Variants in TCHH observed in about 807,000 individuals in gnomAD.
The protein encoded by TCHH is trichohyalin.
In TCHH, 6 loss-of-function variants were observed where a neutral mutation model predicts 6.3. The observed-to-expected ratio is 0.95, with a 90% CI of 0.52 to 1.88. The LOEUF is 1.88. Ranked by LOEUF, TCHH falls within the 40% of genes most tolerant of loss-of-function variation. The pLI, the probability that TCHH is intolerant of heterozygous loss-of-function variation, is 0.01. For missense variants in TCHH, 2,920 were observed against 2,449.1 expected (o/e 1.19, Z -4.06); for synonymous variants, 1,087 against 963.6 (o/e 1.13, Z -2.37).
rs1217527429 is a variant in TCHH, at chr1:152,114,225, C to A, written c.-31-114G>T. 3 of 710,454 alleles carry A rather than the reference C, an allele frequency of 4.2e-6. No individual in the cohort carries two copies. The African/African-American group carries it at 5.5e-5, about 13-fold the overall frequency. The allele number at this position is 710,454 out of a possible 1,614,324, so 44.0% of individuals were successfully genotyped here. The stretch of plus-strand genomic sequence containing the variant: ...TAATTTGAATTTATAGCGGTAATTT[C>A]AACCTGGACTTTCAGAGCACTTTAA... On this transcript the variant is annotated intron_variant, in intron 1 of 2. Coordinates refer to ENST00000614923, the MANE Select transcript of TCHH (RefSeq NM_007113.4).
rs1187008464 is a variant in TCHH at position 152,108,501 on chromosome 1, C to T, written c.4716G>A (p.Leu1572=). Residue 1572 remains leucine (L), a synonymous_variant, in exon 3 of 3, where the codon CTG becomes CTA. Coordinates refer to ENST00000614923, the MANE Select transcript of TCHH (RefSeq NM_007113.4). ...QLRQEREEQQ[L]SRQERDRKFR... ...ATTTTCTGTCACGCTCTTGGCGGCTCAGCTGCTGTTCCTCCCTCTCCTGGC... is the reference window on the plus strand; with the variant it reads ...ATTTTCTGTCACGCTCTTGGCGGCTTAGCTGCTGTTCCTCCCTCTCCTGGC... 1 of 1,612,246 alleles carries T rather than the reference C, an allele frequency of 6.2e-7. No individual in the cohort carries two copies. The highest frequency in any genetic ancestry group is 8.5e-7 in the Non-Finnish European group (1 of 1,179,570).
Position 152,108,483 on chromosome 1 carries a change from G to C in TCHH, c.4734C>G (p.Asp1578Glu). Residue 1578 changes from aspartate (D) to glutamate (E), a missense_variant, in exon 3 of 3, where the codon GAC becomes GAG. Asp to Glu is a conservative substitution (Grantham distance 45, BLOSUM62 2). Coordinates refer to ENST00000614923, the MANE Select transcript of TCHH (RefSeq NM_007113.4). ...EEQQLSRQERDRKFRLEEQKV... is the reference protein window; with the variant it reads ...EEQQLSRQERERKFRLEEQKV... ...TCTGTTCCTCTAAACGGAATTTTCT[G>C]TCACGCTCTTGGCGGCTCAGCTGCT... 1 of 1,611,298 alleles carries C rather than the reference G, an allele frequency of 6.2e-7. No individual in the cohort carries two copies. The highest frequency in any genetic ancestry group is 1.1e-5 in the South Asian group (1 of 90,714).
At position 152,110,095 on chromosome 1, in the gene TCHH, C is replaced by T. The variant is rs1196344078; in HGVS notation, c.3122G>A (p.Arg1041Lys). 3.7e-6 allele frequency: 6 copies of T among 1,611,270 alleles called. No individual in the cohort carries two copies. Among genetic ancestry groups the T allele is most frequent in the Admixed American group, 3.4e-5 (2 of 59,656 alleles). ...EQLLREEREKRRLQERERQYR... is the reference protein window; with the variant it reads ...EQLLREEREKKRLQERERQYR... Reference sequence around the variant, plus strand: ...TTGCCTCTCCCGCTCCTGGAGTCTTCTTTTCTCCCGTTCCTCTCTCAGCAG... The same window carrying T: ...TTGCCTCTCCCGCTCCTGGAGTCTTTTTTTCTCCCGTTCCTCTCTCAGCAG... Residue 1041 changes from arginine to lysine, a missense_variant, in exon 3 of 3, where the codon AGA becomes AAA. Physicochemically the swap from Arg to Lys is conservative, Grantham distance 26. Coordinates refer to ENST00000614923, the MANE Select transcript of TCHH (RefSeq NM_007113.4).
In TCHH at chr1:152,108,092, A is replaced by T; in HGVS notation, c.5125T>A (p.Phe1709Ile). The T allele has an allele frequency of 2.5e-6, 4 of 1,595,474 alleles. No individual in the cohort carries two copies. The highest frequency in any genetic ancestry group is 3.4e-6 in the Non-Finnish European group (4 of 1,175,066). The part of the protein sequence containing the change: ...QLRRQERERK[F>I]LQEEQQLRRQ... ...CGCAGCTGCTGTTCCTCCTGGAGGA[A>T]TTTTCTCTCTCGTTCCTGACGGCGG... The change falls in exon 3 of 3, where the codon TTC (phenylalanine) becomes ATC (isoleucine). Residue 1709 changes from phenylalanine (F) to isoleucine (I), a missense_variant. Phe to Ile is a conservative substitution (Grantham distance 21, BLOSUM62 0). Coordinates refer to ENST00000614923, the MANE Select transcript of TCHH (RefSeq NM_007113.4).
At position 152,107,776 on chromosome 1, in the gene TCHH, G is replaced by C. The variant is rs1658151571; in HGVS notation, c.5441C>G (p.Pro1814Arg). ...GCGATACTTTCCGTCACGCTGTTGG[G>C]GGCGCAGCTGCTGTTCTTCCCTCTC... ...RQEREEQQLR[P>R]QQRDGKYRWE... The change falls in exon 3 of 3, where the codon CCC becomes CGC. Residue 1814 changes from proline to arginine, a missense_variant. Physicochemically the swap from Pro to Arg is moderately radical, Grantham distance 103. Transcript: ENST00000614923. 2 of 1,613,942 alleles carry C rather than the reference G, an allele frequency of 1.2e-6. No individual in the cohort carries two copies. Among genetic ancestry groups the C allele is most frequent in the Non-Finnish European group, 1.7e-6 (2 of 1,179,994 alleles).
chr1:152,107,350 A>C lies in TCHH; in HGVS notation c.*35T>G. On this transcript the variant is annotated 3_prime_UTR_variant, in exon 3 of 3. Transcript: ENST00000614923. The stretch of plus-strand genomic sequence containing the variant: ...GTGTTTCTCATTTTCCCGTGCTCGA[A>C]GCTTTGGCAGGTGTCAAGATATTGG... The C allele has an allele frequency of 4.6e-6, 7 of 1,508,530 alleles. No homozygotes were observed. Among genetic ancestry groups the C allele is most frequent in the Non-Finnish European group, 6.2e-6 (7 of 1,128,480 alleles). The allele number at this position is 1,508,530 out of a possible 1,614,324, so 93.4% of individuals were successfully genotyped here. A position where few individuals can be genotyped will look rare whatever the true frequency, so the allele number is the denominator to read the frequency against.
chr1:152,107,279 G>C lies in TCHH; in HGVS notation c.*106C>G. 4.3e-6 allele frequency: 5 copies of C among 1,174,130 alleles called. No homozygotes were observed. Among genetic ancestry groups the C allele is most frequent in the South Asian group, 1.9e-5 (1 of 53,114 alleles). The allele number at this position is 1,174,130 out of a possible 1,614,324, so 72.7% of individuals were successfully genotyped here. On this transcript the variant is annotated 3_prime_UTR_variant, in exon 3 of 3. Transcript: ENST00000614923. ...GAAGAAAAGACATTCTAATATCAGA[G>C]AGTTTTCCCACAACCAGAAACATCT...
In TCHH at chr1:152,112,803, C is replaced by A. The variant is rs1005490681; in HGVS notation, c.414G>T (p.Arg138Ser). ...QLEEEPGQRRRQKRQEQEREL... is the reference protein window; with the variant it reads ...QLEEEPGQRRSQKRQEQEREL... ...CCCTCTCCTGTTCCTGCCTCTTCTG[C>A]CTGCGTCGTTGCCCAGGTTCTTCTT... Residue 138 changes from arginine (R) to serine (S), a missense_variant, in exon 3 of 3, where the codon AGG becomes AGT. Transcript: ENST00000614923. The A allele has an allele frequency of 1.2e-6, 2 of 1,613,996 alleles. No individual in the cohort carries two copies. Among genetic ancestry groups the A allele is most frequent in the Non-Finnish European group, 1.7e-6 (2 of 1,179,994 alleles).
rs1658340196 is a variant in TCHH, at chr1:152,111,370, C to A, written c.1847G>T (p.Arg616Leu). The A allele has an allele frequency of 1.2e-6, 2 of 1,608,598 alleles. No individual in the cohort carries two copies. The highest frequency in any genetic ancestry group is 1.7e-6 in the Non-Finnish European group (2 of 1,178,792). Residue 616 changes from arginine to leucine, a missense_variant, in exon 3 of 3, where the codon CGC (arginine) becomes CTC (leucine). Transcript: ENST00000614923. ...EVERLEQEER[R>L]EQRLKREEPE... ...CTCCTCGCGCTTCAGCCGCTGCTCG[C>A]GCCTCTCCTCCTGCTCGAGTCTCTC...
At position 152,112,506 on chromosome 1, in the gene TCHH, C is replaced by T. The variant is rs1282125457; in HGVS notation, c.711G>A (p.Val237=). Residue 237 remains valine, a synonymous_variant, in exon 3 of 3, where the codon GTG becomes GTA. Transcript: ENST00000614923. The part of the protein sequence containing the change: ...QQQRRERQDR[V]FQEEEEKEWR... ...ACTCTTTCTCTTCTTCCTCCTGGAACACTCTGTCTTGCCGCTCTCGCCTTT... is the reference window on the plus strand; with the variant it reads ...ACTCTTTCTCTTCTTCCTCCTGGAATACTCTGTCTTGCCGCTCTCGCCTTT... 3.1e-6 allele frequency: 5 copies of T among 1,613,384 alleles called. No individual in the cohort carries two copies. The Admixed American group carries it at 5.0e-5, about 16-fold the overall frequency.
At position 152,112,665 on chromosome 1, in the gene TCHH, T is replaced by C. The variant is rs1226196150; in HGVS notation, c.552A>G (p.Glu184=). ...WRQRQEWQER[E]ERRAEEEQLQ... ...GCTGCTCTTCCTCTGCACGGCGCTC[T>C]TCCCGTTCTTGCCATTCTTGCCTTT... Residue 184 remains glutamate, a synonymous_variant, in exon 3 of 3, where the codon GAA becomes GAG. Transcript: ENST00000614923. 1.2e-6 allele frequency: 2 copies of C among 1,614,072 alleles called. No homozygotes were observed. Among genetic ancestry groups the C allele is most frequent in the Non-Finnish European group, 1.7e-6 (2 of 1,180,022 alleles).
Position 152,108,481 on chromosome 1 carries a change from C to CT in TCHH, c.4735dup (p.Arg1579LysfsTer64), listed in dbSNP as rs1338495905. 3 of 1,612,820 alleles carry CT rather than the reference C, an allele frequency of 1.9e-6. No individual in the cohort carries two copies. The highest frequency in any genetic ancestry group is 2.5e-6 in the Non-Finnish European group (3 of 1,179,780). On this transcript the variant is annotated frameshift_variant, in exon 3 of 3. Transcript: ENST00000614923. LOFTEE classifies it low-confidence loss of function (END_TRUNC). ...TTTCTGTTCCTCTAAACGGAATTTT[C>CT]TGTCACGCTCTTGGCGGCTCAGCTG...
rs761781071 is a variant in TCHH at position 152,111,047 on chromosome 1, G to C, written c.2170C>G (p.Arg724Gly). The C allele has an allele frequency of 4.3e-6, 7 of 1,613,248 alleles. No homozygotes were observed. Among genetic ancestry groups the C allele is most frequent in the African/African-American group, 2.7e-5 (2 of 74,842 alleles). The change falls in exon 3 of 3, where the codon CGC (arginine) becomes GGC (glycine). Residue 724 changes from arginine (R) to glycine (G), a missense_variant. Physicochemically the swap from Arg to Gly is moderately radical, Grantham distance 125. Coordinates refer to ENST00000614923, the MANE Select transcript of TCHH (RefSeq NM_007113.4). ...ARQSKVYSRP[R>G]KQEGQRRRQE... Reference sequence around the variant, plus strand: ...CGGCGCCTCTGCCCTTCCTGCTTGCGGGGCCTCGAGTAGACTTTGCTTTGC... The same window carrying C: ...CGGCGCCTCTGCCCTTCCTGCTTGCCGGGCCTCGAGTAGACTTTGCTTTGC...
At position 152,108,442 on chromosome 1, in the gene TCHH, TC is replaced by T. The variant is rs1299193205; in HGVS notation, c.4774del (p.Glu1592AsnfsTer159). 1 of 1,613,656 alleles carries T rather than the reference TC, an allele frequency of 6.2e-7. No homozygotes were observed. Among genetic ancestry groups the T allele is most frequent in the Admixed American group, 1.7e-5 (1 of 60,012 alleles). ...RLEEQKVRRQ[E>X]QERKFMEDEQ... is the part of the protein sequence containing the mutation. ...GTCCTCCATGAATTTTCTCTCTTGT[TC>T]CTGGCGGCGCACTTTCTGTTCCTCT... On this transcript the variant is annotated frameshift_variant, in exon 3 of 3. Coordinates refer to ENST00000614923, the MANE Select transcript of TCHH (RefSeq NM_007113.4). LOFTEE classifies it low-confidence loss of function (END_TRUNC).
chr1:152,112,798 T>C lies in TCHH; in HGVS notation c.419A>G (p.Lys140Arg). 1.2e-6 allele frequency: 2 copies of C among 1,614,012 alleles called. No homozygotes were observed. Among genetic ancestry groups the C allele is most frequent in the Non-Finnish European group, 1.7e-6 (2 of 1,180,004 alleles). The change falls in exon 3 of 3, where the codon AAG (lysine) becomes AGG (arginine). Residue 140 changes from lysine (K) to arginine (R), a missense_variant. Lys to Arg is a conservative substitution (Grantham distance 26, BLOSUM62 2). Transcript: ENST00000614923. The part of the protein sequence containing the change: ...EEEPGQRRRQ[K>R]RQEQERELAE... The stretch of plus-strand genomic sequence containing the variant: ...TAGCTCCCTCTCCTGTTCCTGCCTC[T>C]TCTGCCTGCGTCGTTGCCCAGGTTC...
Position 152,111,634 on chromosome 1 carries a change from A to G in TCHH, c.1583T>C (p.Leu528Pro). Residue 528 changes from leucine to proline, a missense_variant, in exon 3 of 3, where the codon CTC becomes CCC. By Grantham distance (98) the Leu-to-Pro change is moderately conservative. Coordinates refer to ENST00000614923, the MANE Select transcript of TCHH (RefSeq NM_007113.4). ...TTGCTCGCTCCTCAACCGCTGCTGGAGCCTCTCTTCCTCCTCCTGGCGCTT... is the reference window on the plus strand; with the variant it reads ...TTGCTCGCTCCTCAACCGCTGCTGGGGCCTCTCTTCCTCCTCCTGGCGCTT... ...RLKRQEEEER[L>P]QQRLRSEQQL... The G allele has an allele frequency of 2.6e-6, 4 of 1,536,120 alleles. No individual in the cohort carries two copies. In the South Asian group the frequency reaches 4.5e-5, roughly 17 times the overall value.
Position 152,108,417 on chromosome 1 carries a change from G to T in TCHH, c.4800C>A (p.Asp1600Glu). The change falls in exon 3 of 3, where the codon GAC becomes GAA. Residue 1600 changes from aspartate (D) to glutamate (E), a missense_variant. Transcript: ENST00000614923. ...CCTCCTGGCGGCGCAGCTGCTGTTC[G>T]TCCTCCATGAATTTTCTCTCTTGTT... ...RQEQERKFME[D>E]EQQLRRQEGQ... is the part of the protein sequence containing the mutation. 2 of 1,591,628 alleles carry T rather than the reference G, an allele frequency of 1.3e-6. No homozygotes were observed. The highest frequency in any genetic ancestry group is 1.7e-6 in the Non-Finnish European group (2 of 1,171,678).
Position 152,106,454 on chromosome 1 carries a change from T to C in TCHH, c.*931A>G, listed in dbSNP as rs953554894. The C allele has an allele frequency of 2.0e-4, 31 of 152,354 alleles. No homozygotes were observed. Among genetic ancestry groups the C allele is most frequent in the African/African-American group, 7.2e-4 (30 of 41,580 alleles). The allele number at this position is 152,354 out of a possible 1,614,324, so 9.4% of individuals were successfully genotyped here. ...AAGGGCCTCTAGAAATTTGCCCCTA[T>C]GTTCACACATTTTTCCCTTTTACAC... On this transcript the variant is annotated 3_prime_UTR_variant, in exon 3 of 3. Transcript: ENST00000614923.
rs1413811613 is a variant in TCHH, at chr1:152,111,158, C to T, written c.2059G>A (p.Glu687Lys). 6.2e-7 allele frequency: 1 copy of T among 1,613,894 alleles called. No individual in the cohort carries two copies. The highest frequency in any genetic ancestry group is 1.3e-5 in the African/African-American group (1 of 75,030). Reference protein sequence around the residue: ...EEERREQELAEEEQEQARERI... With the variant: ...EEERREQELAKEEQEQARERI... ...TCCCGGGCCTGTTCCTGCTCCTCCT[C>T]AGCTAGCTCCTGCTCGCGCCTCTCT... The change falls in exon 3 of 3, where the codon GAG becomes AAG. Residue 687 changes from glutamate (E) to lysine (K), a missense_variant. Glu to Lys is a moderately conservative substitution (Grantham distance 56). Transcript: ENST00000614923.
Sources: allele counts gnomAD v4.1 joint callset, GRCh38; gene constraint gnomAD v4.1.1; transcripts MANE v1.5; gene names NCBI Gene and HGNC (gene_info 2026-07-23, HGNC 2026-07-21).